BBOF1: variants seen among roughly 807,000 people sequenced by gnomAD.
BBOF1 encodes the protein basal body-orientation factor 1.
BBOF1 carries 62 observed loss-of-function variants against 68.0 expected under a neutral mutation model. The observed-to-expected ratio is 0.91, with a 90% CI of 0.74 to 1.13. The LOEUF (loss-of-function observed/expected upper bound fraction) is 1.13, where lower values mean the gene tolerates loss of function less well. Among genes scored for constraint, BBOF1 ranks in the 50% most tolerant of loss-of-function variants. BBOF1 has a pLI of 0.00. For missense variants in BBOF1, 534 were observed against 600.1 expected, an observed-to-expected ratio of 0.89 and a Z score of 1.15; for synonymous variants, 208 against 198.8, an observed-to-expected ratio of 1.05 and a Z score of -0.39.
intron 4 of BBOF1, among the ~76,000 whole-genome samples, chr14:74,039,785 A>G (rs2059792613): frequency 6.6e-6 from 1 of 152,112 alleles, no homozygotes; most frequent in South Asian, 2.1e-4. Flanking sequence ...TTATGGGTTA[A>G]TGAACATGAA....
intron 3 of BBOF1, 73 bp downstream of exon 3, chr14:74,029,322 C>G: frequency 1.1e-6 from 1 of 918,028 alleles, no homozygotes; most frequent in Non-Finnish European, 1.7e-6. Flanking sequence ...GTATTTAAGA[C>G]CCAATGACAG....
intron 1 of BBOF1, among the ~76,000 whole-genome samples, chr14:74,022,257 A>G (rs1390768356): frequency 1.3e-5 from 2 of 152,160 alleles, no homozygotes; most frequent in African/African-American, 4.8e-5. Context: ...ATGAAAAGGT[A>G]TAAAAACTGC....
chr14:74,050,162 G>A lies in BBOF1; in HGVS notation c.1253G>A (p.Ser418Asn), dbSNP rs1202231808. ...GATGGCAGAGAGCACAGCACCAATA[G>A]TGTGAATCAGGATCTTCTGGAGGCC... is the stretch of plus-strand genomic sequence containing the variant. ...TFDGREHSTN[S>N]VNQDLLEAEK... The change falls in exon 8 of 12, where the codon AGT becomes AAT. Residue 418 changes from serine to asparagine, a missense_variant. Physicochemically the swap from Ser to Asn is conservative, Grantham distance 46 (BLOSUM62 1). Transcript: ENST00000394009. The A allele has an allele frequency of 6.4e-7, 1 of 1,570,984 alleles. No homozygotes were observed. The highest frequency in any genetic ancestry group is 1.2e-5 in the South Asian group (1 of 84,218).
rs980786047 is a variant in BBOF1, at chr14:74,037,089, C to T, written c.495+2918C>T. 2.1e-5 allele frequency among the ~76,000 whole-genome samples: 3 copies of T among 141,088 alleles called. No homozygotes were observed. The Admixed American group carries it at 2.3e-4, about 11-fold the overall frequency. The allele number at this position is 141,088 out of a possible 152,430, so 92.6% of individuals were successfully genotyped here. ...CCAGGTTCAAGCGATTCTCCTGCTT[C>T]AGCCTCCTGAGTAGCTGGGACTATA... On this transcript the variant is annotated intron_variant, in intron 4 of 11. Coordinates refer to ENST00000394009, the MANE Select transcript of BBOF1 (RefSeq NM_025057.3).
chr14:74,038,372 A>G (rs1263720936), intron 4 of BBOF1, among the ~76,000 whole-genome samples: 1 of 152,258 alleles, frequency 6.6e-6, no homozygotes, highest in Non-Finnish European at 1.5e-5. Flanking sequence ...CAAATGAATT[A>G]AGAACTAGTG....
chr14:74,022,220 AT>A (rs1352865627), intron 1 of BBOF1, among the ~76,000 whole-genome samples: 2 of 152,108 alleles, frequency 1.3e-5, no homozygotes, highest in Admixed American at 1.3e-4. Context: ...TAAAAAAAAA[AT>A]AAATATGGGA....
chr14:74,039,277 T>G (rs1003198022), intron 4 of BBOF1, among the ~76,000 whole-genome samples: 1 of 152,216 alleles, frequency 6.6e-6, no homozygotes, highest in Non-Finnish European at 1.5e-5. Context: ...TATAACATTT[T>G]TTCAATAGAT....
intron 8 of BBOF1, among the ~76,000 whole-genome samples, chr14:74,053,043 TAAATA>T (rs1324864011): frequency 2.0e-5 from 3 of 151,940 alleles, no homozygotes; most frequent in East Asian, 1.9e-4. Flanking sequence ...AAAATAATAA[TAAATA>T]AAATAAATTT....
chr14:74,042,018 T>C (rs1177344522), intron 5 of BBOF1, among the ~76,000 whole-genome samples: 6 of 151,918 alleles, frequency 3.9e-5, no homozygotes, highest in Admixed American at 1.3e-4. Flanking sequence ...TCCTGGGTGA[T>C]AAAGTGAGAC....
intron 11 of BBOF1, chr14:74,059,595 T>A (rs1215790237): frequency 7.7e-6 from 2 of 260,880 alleles, no homozygotes; most frequent in African/African-American, 4.6e-5. Flanking sequence ...CTAGGGGGGC[T>A]GAGGCAGGAG....
At chr14:74,071,829 C>T in intron 9 of BBOF1, 2 of 1,559,562 alleles carry the variant, frequency 1.3e-6, no homozygotes, top group Non-Finnish European at 1.8e-6. Context: ...ACCTCCCATT[C>T]TGCGATCTTT....
At chr14:74,070,668 T>TTGACGG (rs11281872), downstream of BBOF1, 87,274 of 171,158 alleles carry the variant, frequency 0.51, 23,205 homozygotes, top group East Asian at 0.89. Context: ...CATCCTGGCT[T>TTGACGG]TTTCTAGCAC....
At chr14:74,027,526 A>G (rs1351093691) in intron 2 of BBOF1, among the ~76,000 whole-genome samples, 1 of 151,302 alleles carries the variant, frequency 6.6e-6, no homozygotes, top group Non-Finnish European at 1.5e-5. Context: ...GCTAAAACCT[A>G]CTGGGTGAAA....
chr14:74,057,441 A>G lies in BBOF1; in HGVS notation c.1578+183A>G, dbSNP rs1566820109. On this transcript the variant is annotated intron_variant, in intron 11 of 11. Coordinates refer to ENST00000394009, the MANE Select transcript of BBOF1 (RefSeq NM_025057.3). ...AGCAATATCCGTACAAATGCATATT[A>G]TACTAATGCAAATGCAAATGTGTGC... 5 of 1,480,046 alleles carry G rather than the reference A, an allele frequency of 3.4e-6. No homozygotes were observed. The East Asian group carries it at 1.3e-4, about 37-fold the overall frequency. The allele number at this position is 1,480,046 out of a possible 1,614,324, so 91.7% of individuals were successfully genotyped here.
At chr14:74,056,869 C>T (rs755577197) in intron 9 of BBOF1, 37 bp from the exon 10 acceptor site, 16 of 1,409,752 alleles carry the variant, frequency 1.1e-5, no homozygotes, top group Non-Finnish European at 1.4e-5. Context: ...GAGACACTGC[C>T]TCATTCATTA....
chr14:74,029,046 T>C, intron 2 of BBOF1, 138 bp from the exon 3 acceptor site: 1 of 562,940 alleles, frequency 1.8e-6, no homozygotes. Flanking sequence ...GGAAATTTCC[T>C]GTCCCCTCTT....
At chr14:74,068,962 A>T (rs1376019750), downstream of BBOF1, 1 of 1,614,092 alleles carries the variant, frequency 6.2e-7, no homozygotes, top group South Asian at 1.1e-5. Flanking sequence ...TGTCCGGATG[A>T]TCGCAAATAA....
At chr14:74,046,569 C>T (rs971858493) in intron 6 of BBOF1, among the ~76,000 whole-genome samples, 5 of 151,956 alleles carry the variant, frequency 3.3e-5, no homozygotes, top group Admixed American at 1.3e-4. Context: ...GACAGGGTTT[C>T]GCCATGTTGG....
chr14:74,043,411 G>A (rs979722800), intron 5 of BBOF1, among the ~76,000 whole-genome samples: 137 of 149,450 alleles, frequency 9.2e-4, no homozygotes, highest in Middle Eastern at 3.4e-3. Flanking sequence ...TTAGCCGGGC[G>A]CGGTGGCGGG....
Sources: gnomAD v4.1 joint callset for allele counts (sites outside exome capture counted in the v4.1 genomes callset) on GRCh38, gnomAD v4.1.1 for gene constraint, MANE v1.5 for transcripts, NCBI Gene and HGNC (gene_info 2026-07-23, HGNC 2026-07-21) for gene names.